Variants in HPF1 observed in about 807,000 individuals in gnomAD.
HPF1 encodes the protein histone PARylation factor 1, also known as UPF0609 protein C4orf27.
HPF1 carries 35 observed loss-of-function variants against 38.8 expected under a neutral mutation model. The observed-to-expected ratio is 0.90, with a 90% CI of 0.69 to 1.19. The LOEUF (loss-of-function observed/expected upper bound fraction) is 1.19. HPF1 is among the 50% of genes most tolerant of loss of function. The probability of loss-of-function intolerance (pLI) is 0.00; values close to 1 mark genes in which losing one functional copy is unlikely to be tolerated. For synonymous variants in HPF1, 115 were observed against 139.2 expected (o/e 0.83, Z 1.22); for missense variants, 367 against 405.8 (o/e 0.90, Z 0.82).
At chr4:169,740,538 C>A (rs561114369) in intron 5 of HPF1, among the ~76,000 whole-genome samples, 3 of 152,236 alleles carry the variant, frequency 2.0e-5, no homozygotes, top group Non-Finnish European at 2.9e-5. Context: ...TTGAATTCTT[C>A]AGTAGAAAAA....
chr4:169,743,860 G>A lies in HPF1; in HGVS notation c.498-1753C>T, dbSNP rs572673262. Among the ~76,000 whole-genome samples the A allele has an allele frequency of 2.6e-5, 4 of 151,446 alleles. No individual in the cohort carries two copies. In the South Asian group the frequency reaches 8.3e-4, roughly 32 times the overall value. The stretch of plus-strand genomic sequence containing the variant: ...ACATTTATAGTGGGTGCTAGTCTTA[G>A]CTTCATTGTACTTATCAGGAAAAAA... On this transcript the variant is annotated intron_variant, in intron 4 of 7. Coordinates refer to ENST00000393381, the MANE Select transcript of HPF1 (RefSeq NM_017867.3).
chr4:169,742,232 C>G, intron 4 of HPF1, 125 bp from the exon 5 acceptor site: 1 of 730,780 alleles, frequency 1.4e-6, no homozygotes, highest in Non-Finnish European at 2.3e-6. Context: ...GAATAATTAC[C>G]AACACTTCTC....
chr4:169,734,361 A>T (rs1047681138), intron 6 of HPF1, among the ~76,000 whole-genome samples: 1 of 152,178 alleles, frequency 6.6e-6, no homozygotes, highest in African/African-American at 2.4e-5. Flanking sequence ...AGCCACTACA[A>T]ATCAGGGTGG....
At chr4:169,747,207 C>A (rs1186103930) in intron 4 of HPF1, among the ~76,000 whole-genome samples, 2 of 149,560 alleles carry the variant, frequency 1.3e-5, no homozygotes, top group African/African-American at 2.5e-5. Context: ...AGACAATAAG[C>A]AAGAAAACAA....
chr4:169,731,596 GC>G lies in HPF1; in HGVS notation c.909+107del, dbSNP rs556983457. ...CAAGCTGAATCCCTGTCTTACCTCT[GC>G]TGGAATTTGGGGGTATAAATGTGCA... On this transcript the variant is annotated intron_variant, in intron 7 of 7. Transcript: ENST00000393381. 3.1e-4 allele frequency: 245 copies of G among 793,002 alleles called. 6 individuals carry two copies. In the South Asian group the frequency reaches 7.6e-3, roughly 25 times the overall value. The allele number at this position is 793,002 out of a possible 1,614,324, so 49.1% of individuals were successfully genotyped here. A position where few individuals can be genotyped will look rare whatever the true frequency, so the allele number is the denominator to read the frequency against.
At chr4:169,753,588 G>T in intron 2 of HPF1, 88 bp downstream of exon 2, 1 of 1,118,364 alleles carries the variant, frequency 8.9e-7, no homozygotes, top group Non-Finnish European at 1.3e-6. Flanking sequence ...CCTCAGCTGG[G>T]ATTACAGAGT....
At chr4:169,742,716 C>CG (rs1733990963) in intron 4 of HPF1, among the ~76,000 whole-genome samples, 1 of 152,126 alleles carries the variant, frequency 6.6e-6, no homozygotes, top group African/African-American at 2.4e-5. Flanking sequence ...GGCGTGAACC[C>CG]GGGAGGCAGA....
chr4:169,744,158 C>G (rs900935823), intron 4 of HPF1, among the ~76,000 whole-genome samples: 1 of 152,216 alleles, frequency 6.6e-6, no homozygotes, highest in Non-Finnish European at 1.5e-5. Flanking sequence ...CCTCAACACT[C>G]TGGCACGGCA....
intron 2 of HPF1, among the ~76,000 whole-genome samples, chr4:169,752,846 C>G (rs1425121540): frequency 6.6e-6 from 1 of 152,124 alleles, no homozygotes; most frequent in Non-Finnish European, 1.5e-5. Flanking sequence ...TCCTGCAACA[C>G]ATGAAAGAGC....
At chr4:169,737,550 T>G in intron 6 of HPF1, 110 bp downstream of exon 6, 1 of 746,286 alleles carries the variant, frequency 1.3e-6, no homozygotes, top group South Asian at 1.5e-5. Context: ...TACTAAGGTC[T>G]AGCGACTGTG....
chr4:169,742,157 T>C (rs763319357), intron 4 of HPF1, 50 bp from the exon 5 acceptor site: 2 of 1,529,698 alleles, frequency 1.3e-6, no homozygotes, highest in Non-Finnish European at 1.8e-6. Context: ...CTGTACTAAG[T>C]ACAAAGACCT....
chr4:169,740,717 C>T (rs1733957754), intron 5 of HPF1, among the ~76,000 whole-genome samples: 1 of 152,062 alleles, frequency 6.6e-6, no homozygotes, highest in Non-Finnish European at 1.5e-5. Context: ...AAAACAAATA[C>T]TAAAATGAAA....
At chr4:169,757,234 C>T (rs1734199047) in intron 1 of HPF1, among the ~76,000 whole-genome samples, 1 of 152,160 alleles carries the variant, frequency 6.6e-6, no homozygotes, top group Non-Finnish European at 1.5e-5. Context: ...AAGCCGAACG[C>T]TCCGCTACGC....
At chr4:169,740,435 A>G (rs947175236) in intron 5 of HPF1, among the ~76,000 whole-genome samples, 4 of 152,230 alleles carry the variant, frequency 2.6e-5, no homozygotes, top group Non-Finnish European at 5.9e-5. Context: ...ACTGATTTCT[A>G]GTGTGCTGCA....
intron 2 of HPF1, among the ~76,000 whole-genome samples, chr4:169,752,622 C>T (rs1243414537): frequency 1.3e-5 from 2 of 152,110 alleles, no homozygotes; most frequent in South Asian, 2.1e-4. Context: ...TCTATACACT[C>T]TTCTTTTTCA....
Position 169,750,655 on chromosome 4 carries a change from C to T in HPF1, c.279G>A (p.Thr93=), listed in dbSNP as rs764018559. ...PYDILAGKHK[T]KKKSTGLNFN... The stretch of plus-strand genomic sequence containing the variant: ...AATTCAGGCCTGTTGATTTTTTCTT[C>T]GTTTTATGTTTTCCAGCAAGGATAT... Residue 93 remains threonine (T), a synonymous_variant, in exon 3 of 8, where the codon ACG becomes ACA. Transcript: ENST00000393381. The T allele has an allele frequency of 8.1e-6, 13 of 1,613,608 alleles. No homozygotes were observed. The highest frequency in any genetic ancestry group is 1.0e-5 in the Non-Finnish European group (12 of 1,179,844).
intron 5 of HPF1, among the ~76,000 whole-genome samples, chr4:169,739,847 G>T (rs529492726): frequency 1.0e-3 from 155 of 152,204 alleles, no homozygotes; most frequent in Non-Finnish European, 2.0e-3. Context: ...TAAAAAGCAG[G>T]ACATAAAGCA....
intron 4 of HPF1, among the ~76,000 whole-genome samples, chr4:169,744,678 AC>A (rs1400400023): frequency 2.0e-5 from 3 of 152,244 alleles, no homozygotes; most frequent in African/African-American, 7.2e-5. Flanking sequence ...CAGTGGTATT[AC>A]AAGTTTCTCA....
intron 7 of HPF1, among the ~76,000 whole-genome samples, chr4:169,731,374 G>A (rs537944397): frequency 2.6e-5 from 4 of 152,158 alleles, no homozygotes; most frequent in Non-Finnish European, 5.9e-5. Context: ...AGCCCCAAAC[G>A]TACACACACG....
Sources: gnomAD v4.1 joint callset for allele counts (sites outside exome capture counted in the v4.1 genomes callset) on GRCh38, gnomAD v4.1.1 for gene constraint, MANE v1.5 for transcripts, NCBI Gene and HGNC (gene_info 2026-07-23, HGNC 2026-07-21) for gene names.